Variants in L3MBTL4 observed in about 807,000 individuals in gnomAD.
L3MBTL4 encodes the protein L3MBTL histone methyl-lysine binding protein 4, also known as lethal(3)malignant brain tumor-like protein 4.
Under a neutral mutation model 84.5 loss-of-function variants are expected in L3MBTL4, and 70 were observed. The ratio of observed to expected loss-of-function variants is 0.83; its 90% CI spans 0.68 to 1.01. The LOEUF (loss-of-function observed/expected upper bound fraction) is 1.01, where lower values mean the gene tolerates loss of function less well. Ranked by LOEUF, L3MBTL4 falls within the 50% of genes least tolerant of loss-of-function variation. The probability of loss-of-function intolerance (pLI) is 0.00; values close to 1 mark genes in which losing one functional copy is unlikely to be tolerated. For synonymous variants in L3MBTL4, 274 were observed against 259.8 expected (o/e 1.05, Z -0.52); for missense variants, 715 against 754.8 (o/e 0.95, Z 0.62).
At chr18:6,092,892 T>C (rs2058506576) in intron 15 of L3MBTL4, among the ~76,000 whole-genome samples, 1 of 152,182 alleles carries the variant, frequency 6.6e-6, no homozygotes. Flanking sequence ...GAAACTATTC[T>C]GTGTAAGAAG....
At chr18:6,162,618 C>T (rs2043397850) in intron 13 of L3MBTL4, among the ~76,000 whole-genome samples, 2 of 152,150 alleles carry the variant, frequency 1.3e-5, no homozygotes, top group Non-Finnish European at 2.9e-5. Flanking sequence ...CCCATTGACT[C>T]AACTGGCACT....
chr18:5,959,917 A>T (rs2095253858), intron 18 of L3MBTL4, among the ~76,000 whole-genome samples, 177 bp downstream of exon 18: 1 of 151,604 alleles, frequency 6.6e-6, no homozygotes. Context: ...TTCCTGCTGG[A>T]TCTCCTTTGT....
intron 1 of L3MBTL4, among the ~76,000 whole-genome samples, chr18:6,400,202 G>C (rs1299477232): frequency 6.6e-6 from 1 of 152,150 alleles, no homozygotes; most frequent in Non-Finnish European, 1.5e-5. Flanking sequence ...GAAAAGTTTT[G>C]TGAAACTAAA....
At chr18:6,407,349 C>A (rs2055778502) in intron 1 of L3MBTL4, among the ~76,000 whole-genome samples, 1 of 152,084 alleles carries the variant, frequency 6.6e-6, no homozygotes, top group Admixed American at 6.5e-5. Context: ...AGTCACATAT[C>A]TTCTAGGAAT....
chr18:6,148,016 T>C (rs2042727550), intron 13 of L3MBTL4, among the ~76,000 whole-genome samples: 1 of 152,248 alleles, frequency 6.6e-6, no homozygotes, highest in Middle Eastern at 3.4e-3. Context: ...AGAGGTTTGA[T>C]GGAAAATGGA....
intron 14 of L3MBTL4, among the ~76,000 whole-genome samples, chr18:6,134,460 C>T (rs1472667311): frequency 1.3e-5 from 2 of 152,182 alleles, no homozygotes; most frequent in Non-Finnish European, 2.9e-5. Flanking sequence ...TCATCTGAAA[C>T]ATAGCAAGTC....
intron 1 of L3MBTL4, among the ~76,000 whole-genome samples, chr18:6,333,531 C>T (rs184392378): frequency 1.6e-3 from 247 of 150,328 alleles, no homozygotes; most frequent in African/African-American, 5.9e-3. Flanking sequence ...GCCAAGATCG[C>T]GCCACTGCAC....
At chr18:6,097,744 T>A (rs1453712897) in intron 14 of L3MBTL4, among the ~76,000 whole-genome samples, 2 of 152,194 alleles carry the variant, frequency 1.3e-5, no homozygotes, top group Non-Finnish European at 2.9e-5. Flanking sequence ...TAACTCAGCA[T>A]CCACTTTGAT....
intron 12 of L3MBTL4, among the ~76,000 whole-genome samples, chr18:6,182,754 A>T (rs182181401): frequency 3.4e-4 from 51 of 152,058 alleles, no homozygotes; most frequent in African/African-American, 1.2e-3. Flanking sequence ...AATCTTCTGC[A>T]TATGGCTAGC....
rs147121656 is a variant in L3MBTL4 at position 6,163,966 on chromosome 18, C to T, written c.1096+7862G>A. 3.9e-4 allele frequency among the ~76,000 whole-genome samples: 60 copies of T among 152,298 alleles called. No homozygotes were observed. In the East Asian group the frequency reaches 0.01, roughly 26 times the overall value. ...GGGTGACAGATGGCACCTGGAAAAT[C>T]GGGTCACTCCCACACTAATACTGCA... On this transcript the variant is annotated intron_variant, in intron 13 of 18. Coordinates refer to ENST00000317931, the MANE Select transcript of L3MBTL4 (RefSeq NM_001330559.2).
At chr18:6,007,339 C>T (rs2054535188) in intron 16 of L3MBTL4, among the ~76,000 whole-genome samples, 1 of 151,084 alleles carries the variant, frequency 6.6e-6, no homozygotes, top group African/African-American at 2.4e-5. Context: ...AAAAAATGCT[C>T]ATAATACAAA....
At chr18:6,245,577 T>C (rs1048514481) in intron 5 of L3MBTL4, among the ~76,000 whole-genome samples, 9 of 151,122 alleles carry the variant, frequency 6.0e-5, no homozygotes, top group African/African-American at 1.7e-4. Flanking sequence ...TGAAGCTACA[T>C]AGGTATTTTC....
At chr18:6,271,572 T>G (rs1568416500) in intron 4 of L3MBTL4, among the ~76,000 whole-genome samples, 1 of 152,128 alleles carries the variant, frequency 6.6e-6, no homozygotes. Context: ...CGTTAAACTT[T>G]TGGTATCCGG....
At chr18:6,070,963 A>T (rs980741661) in intron 16 of L3MBTL4, among the ~76,000 whole-genome samples, 1 of 152,250 alleles carries the variant, frequency 6.6e-6, no homozygotes, top group Non-Finnish European at 1.5e-5. Flanking sequence ...CTACTAACAG[A>T]ATATTAAAAA....
intron 14 of L3MBTL4, among the ~76,000 whole-genome samples, chr18:6,112,312 C>T (rs548467984): frequency 2.0e-5 from 3 of 152,298 alleles, no homozygotes; most frequent in South Asian, 2.1e-4. Flanking sequence ...CTTTGACAAC[C>T]GAGGATCGCA....
chr18:6,097,570 C>T (rs1311024691), intron 14 of L3MBTL4, among the ~76,000 whole-genome samples: 1 of 152,166 alleles, frequency 6.6e-6, no homozygotes, highest in Non-Finnish European at 1.5e-5. Context: ...GACAGTTTCC[C>T]TGTATTCCCA....
chr18:6,297,859 G>T (rs751648000), intron 4 of L3MBTL4, among the ~76,000 whole-genome samples: 17 of 152,112 alleles, frequency 1.1e-4, no homozygotes, highest in Non-Finnish European at 2.1e-4. Flanking sequence ...TTTTCCTCTT[G>T]TGTAATTTAA....
intron 13 of L3MBTL4, among the ~76,000 whole-genome samples, chr18:6,161,025 C>G (rs768924949): frequency 2.6e-5 from 4 of 152,236 alleles, no homozygotes; most frequent in Middle Eastern, 3.4e-3. Context: ...AGTTAGATGA[C>G]CAGAGCAGGC....
chr18:6,215,873 A>G, intron 10 of L3MBTL4, 38 bp from the exon 11 acceptor site: 1 of 1,161,774 alleles, frequency 8.6e-7, no homozygotes, highest in South Asian at 1.4e-5. Flanking sequence ...AAGATTACTC[A>G]TAGATATTCT....
Sources: allele counts gnomAD v4.1 joint callset (sites outside exome capture counted in the v4.1 genomes callset), GRCh38; gene constraint gnomAD v4.1.1; transcripts MANE v1.5; gene names NCBI Gene and HGNC (gene_info 2026-07-23, HGNC 2026-07-21).